The following ASRGL1 variants were observed in gnomAD, a reference collection of about 807,000 sequenced individuals.
ASRGL1 encodes the protein isoaspartyl peptidase/L-asparaginase.
Under a neutral mutation model 22.4 loss-of-function variants are expected in ASRGL1, and 16 were observed. That is an observed-to-expected ratio of 0.71 (90% CI 0.48 to 1.08). The LOEUF is 1.08. Ranked by LOEUF, ASRGL1 falls within the 50% of genes least tolerant of loss-of-function variation. The pLI is 0.00. For synonymous variants in ASRGL1, 165 were observed against 159.3 expected, an observed-to-expected ratio of 1.04 and a Z score of -0.27; for missense variants, 412 against 410.1, an observed-to-expected ratio of 1.00 and a Z score of -0.04.
At chr11:62,383,545 G>C (rs1185997270) in intron 4 of ASRGL1, among the ~76,000 whole-genome samples, 3 of 129,888 alleles carry the variant, frequency 2.3e-5, no homozygotes, top group Admixed American at 1.7e-4. Context: ...GGAGCTTGCA[G>C]TGAGCCGAGA....
intron 4 of ASRGL1, among the ~76,000 whole-genome samples, chr11:62,360,620 C>G (rs1946410308): frequency 6.6e-6 from 1 of 152,140 alleles, no homozygotes; most frequent in African/African-American, 2.4e-5. Context: ...ATAAAATTCA[C>G]AAACAAGACA....
intron 4 of ASRGL1, among the ~76,000 whole-genome samples, chr11:62,380,174 T>C (rs946516819): frequency 1.5e-4 from 23 of 152,154 alleles, no homozygotes; most frequent in African/African-American, 5.6e-4. Context: ...CATCATAGGC[T>C]TTTACGTACT....
intron 4 of ASRGL1, among the ~76,000 whole-genome samples, chr11:62,385,971 G>A (rs1027031662): frequency 8.5e-5 from 13 of 152,208 alleles, no homozygotes; most frequent in South Asian, 2.1e-4. Flanking sequence ...AGACCAGCCT[G>A]GCCAACATAG....
chr11:62,376,492 T>C (rs2134671196), intron 4 of ASRGL1, among the ~76,000 whole-genome samples: 1 of 152,310 alleles, frequency 6.6e-6, no homozygotes, highest in African/African-American at 2.4e-5. Context: ...ATTTTTGTTG[T>C]CTTTCCACCA....
intron 4 of ASRGL1, among the ~76,000 whole-genome samples, chr11:62,370,215 T>TG (rs1946727070): frequency 6.6e-6 from 1 of 152,218 alleles, no homozygotes. Context: ...CGCCTTCTCT[T>TG]GCTCTCACTA....
chr11:62,341,189 T>C (rs1945853685), intron 2 of ASRGL1, among the ~76,000 whole-genome samples: 1 of 151,334 alleles, frequency 6.6e-6, no homozygotes, highest in African/African-American at 2.4e-5. Context: ...ATCTTTGAGA[T>C]AACAGGATTT....
downstream of ASRGL1, among the ~76,000 whole-genome samples, chr11:62,395,994 G>A (rs921908372): frequency 1.3e-5 from 2 of 151,530 alleles, no homozygotes; most frequent in Non-Finnish European, 2.9e-5. Flanking sequence ...GGCTGGTCTC[G>A]AACTCCTGAA....
At chr11:62,380,296 C>A (rs1947032268) in intron 4 of ASRGL1, among the ~76,000 whole-genome samples, 3 of 152,082 alleles carry the variant, frequency 2.0e-5, no homozygotes, top group Non-Finnish European at 4.4e-5. Context: ...ACCTTACGGG[C>A]ATTTTCATCG....
intron 4 of ASRGL1, chr11:62,373,153 A>C: frequency 7.5e-7 from 1 of 1,335,354 alleles, no homozygotes; most frequent in South Asian, 1.2e-5. Flanking sequence ...AAACTGCCAG[A>C]ATACAGCCCC....
intron 2 of ASRGL1, among the ~76,000 whole-genome samples, chr11:62,355,973 G>T (rs1415949668): frequency 6.6e-6 from 1 of 152,230 alleles, no homozygotes; most frequent in African/African-American, 2.4e-5. Context: ...CAAGGCAGAA[G>T]AATTTTTCTT....
At chr11:62,387,055 G>A (rs1230139409) in intron 4 of ASRGL1, among the ~76,000 whole-genome samples, 1 of 98,460 alleles carries the variant, frequency 1.0e-5, no homozygotes, top group East Asian at 2.6e-4. Flanking sequence ...ACCACACTTA[G>A]CTAATTTTTT....
At chr11:62,351,988 C>T (rs1210968555) in intron 2 of ASRGL1, among the ~76,000 whole-genome samples, 1 of 152,136 alleles carries the variant, frequency 6.6e-6, no homozygotes, top group African/African-American at 2.4e-5. Context: ...CTTCTTTTAG[C>T]CATTCTTTTA....
In ASRGL1 at chr11:62,362,233, C is replaced by T. The variant is rs73494057; in HGVS notation, c.491+5089C>T. Among the ~76,000 whole-genome samples, 270 of 151,738 alleles carry T rather than the reference C, an allele frequency of 1.8e-3. 2 individuals carry two copies. Among genetic ancestry groups the T allele is most frequent in the African/African-American group, 6.1e-3 (251 of 41,368 alleles). ...CCAAAGATGGAATATCTTGACTAAA[C>T]TTATATTTCACCCTATAACAAGTCT... On this transcript the variant is annotated intron_variant, in intron 4 of 6. Coordinates refer to ENST00000415229, the MANE Select transcript of ASRGL1 (RefSeq NM_001083926.2).
intron 2 of ASRGL1, among the ~76,000 whole-genome samples, chr11:62,349,569 C>G (rs189471451): frequency 3.8e-4 from 58 of 152,300 alleles, no homozygotes; most frequent in Admixed American, 3.3e-3. Context: ...GACATCCTCC[C>G]TAACAACTAG....
intron 4 of ASRGL1, among the ~76,000 whole-genome samples, chr11:62,362,891 A>ATTTTTTTTTTTTTTTTTTT (rs60507577): frequency 6.0e-5 from 3 of 50,366 alleles, no homozygotes; most frequent in African/African-American, 2.9e-4. Flanking sequence ...AAAGGATTTA[A>ATTTTTTTTTTTTTTTTTTT]TTTTTTTTTT....
chr11:62,358,874 CAGA>C (rs1946368755), intron 4 of ASRGL1, among the ~76,000 whole-genome samples: 1 of 152,282 alleles, frequency 6.6e-6, no homozygotes, highest in African/African-American at 2.4e-5. Flanking sequence ...ATTCGAACAG[CAGA>C]AGGACTTAGG....
At chr11:62,347,891 C>T (rs1232486948) in intron 2 of ASRGL1, among the ~76,000 whole-genome samples, 1 of 152,194 alleles carries the variant, frequency 6.6e-6, no homozygotes, top group Admixed American at 6.5e-5. Context: ...CACCCCACTG[C>T]ACTCCAGCCT....
At chr11:62,398,805 T>C in the ASRGL1 span, among the ~76,000 whole-genome samples, 1 of 152,202 alleles carries the variant, frequency 6.6e-6, no homozygotes, top group Non-Finnish European at 1.5e-5. Context: ...GGCACAAATA[T>C]CACACCCTGG....
intron 2 of ASRGL1, among the ~76,000 whole-genome samples, chr11:62,348,554 T>C (rs1051443571): frequency 6.6e-6 from 1 of 151,384 alleles, no homozygotes; most frequent in Non-Finnish European, 1.5e-5. Flanking sequence ...AATACAAAAA[T>C]TAGCTGGGCG....
Sources: gnomAD v4.1 joint callset for allele counts (sites outside exome capture counted in the v4.1 genomes callset) on GRCh38, gnomAD v4.1.1 for gene constraint, MANE v1.5 for transcripts, NCBI Gene and HGNC (gene_info 2026-07-23, HGNC 2026-07-21) for gene names.